ZKSCAN5: variants seen among roughly 807,000 people sequenced by gnomAD.
ZKSCAN5 encodes zinc finger protein with KRAB and SCAN domains 5.
Under a neutral mutation model 60.0 loss-of-function variants are expected in ZKSCAN5, and 28 were observed. The ratio of observed to expected loss-of-function variants is 0.47; its 90% CI spans 0.35 to 0.64. The LOEUF is 0.64. Among genes scored for constraint, ZKSCAN5 ranks in the 30% least tolerant of loss-of-function variants. The pLI is 0.01. For missense variants in ZKSCAN5, 881 were observed against 1,034.6 expected, an observed-to-expected ratio of 0.85 and a Z score of 2.04; for synonymous variants, 361 against 371.2, an observed-to-expected ratio of 0.97 and a Z score of 0.31.
chr7:99,526,159 G>T lies in ZKSCAN5; in HGVS notation c.1119G>T (p.Pro373=). ...GGCGCATCCACACTGGAGAAAAACC[G>T]TTTAAGTGCGGAGAATGTGGGAAGA... is the stretch of plus-strand genomic sequence containing the variant. ...QHRRIHTGEK[P]FKCGECGKSY... Residue 373 remains proline, a synonymous_variant, in exon 6 of 7, where the codon CCG becomes CCT. Transcript: ENST00000326775. 2 of 1,614,206 alleles carry T rather than the reference G, an allele frequency of 1.2e-6. No individual in the cohort carries two copies. Among genetic ancestry groups the T allele is most frequent in the Non-Finnish European group, 1.7e-6 (2 of 1,180,050 alleles).
intron 5 of ZKSCAN5, among the ~76,000 whole-genome samples, chr7:99,524,103 C>T (rs1801668191): frequency 6.7e-6 from 1 of 149,164 alleles, no homozygotes; most frequent in Non-Finnish European, 1.5e-5. Flanking sequence ...CAGAGTCTCG[C>T]TCTGTCACCC....
At chr7:99,524,260 G>T (rs1194669169) in intron 5 of ZKSCAN5, among the ~76,000 whole-genome samples, 1 of 152,036 alleles carries the variant, frequency 6.6e-6, no homozygotes, top group African/African-American at 2.4e-5. Context: ...TTTTAGTAGA[G>T]ACAGGTTTTC....
rs935837524 is a variant in ZKSCAN5 at position 99,507,517 on chromosome 7, A to G, written c.414+1059A>G. 8.0e-5 allele frequency among the ~76,000 whole-genome samples: 10 copies of G among 125,510 alleles called. No individual in the cohort carries two copies. In the South Asian group the frequency reaches 1.4e-3, roughly 17 times the overall value. The allele number at this position is 125,510 out of a possible 152,430, so 82.3% of individuals were successfully genotyped here. A position where few individuals can be genotyped will look rare whatever the true frequency, so the allele number is the denominator to read the frequency against. On this transcript the variant is annotated intron_variant, in intron 2 of 6. Transcript: ENST00000326775. ...TATATATGTGTATATATATGTGTGT[A>G]TATATGTATATGTGTATATATATAT...
chr7:99,515,356 G>A lies in ZKSCAN5; in HGVS notation c.553+2765G>A, dbSNP rs1440458367. Among the ~76,000 whole-genome samples the A allele has an allele frequency of 4.6e-5, 7 of 151,824 alleles. No homozygotes were observed. In the East Asian group the frequency reaches 5.8e-4, roughly 13 times the overall value. On this transcript the variant is annotated intron_variant, in intron 3 of 6. Coordinates refer to ENST00000326775, the MANE Select transcript of ZKSCAN5 (RefSeq NM_145102.4). ...CGGGAGGCAGAGGTTGCTGTGAACCGAGATTGTGCCACGGCACTCCAGCCT... is the reference window on the plus strand; with the variant it reads ...CGGGAGGCAGAGGTTGCTGTGAACCAAGATTGTGCCACGGCACTCCAGCCT...
At chr7:99,509,754 C>A (rs1015810794) in intron 2 of ZKSCAN5, among the ~76,000 whole-genome samples, 2 of 152,222 alleles carry the variant, frequency 1.3e-5, no homozygotes, top group Admixed American at 1.3e-4. Context: ...GTGTAAGCCA[C>A]TGTGCCCGGC....
chr7:99,531,663 G>A lies in ZKSCAN5; in HGVS notation c.1934G>A (p.Arg645His), dbSNP rs774498638. Residue 645 changes from arginine (R) to histidine (H), a missense_variant, in exon 7 of 7, where the codon CGT (arginine) becomes CAT (histidine). By Grantham distance (29) the Arg-to-His change is conservative (BLOSUM62 0). Transcript: ENST00000326775. ...GAATGTGGGAAAGGCTTTGGGAGGC[G>A]TTCCCACCTGGCTGGACATCTTCGA... ...CNECGKGFGR[R>H]SHLAGHLRLH... The A allele has an allele frequency of 1.7e-5, 28 of 1,614,048 alleles. No individual in the cohort carries two copies. The highest frequency in any genetic ancestry group is 6.7e-5 in the Admixed American group (4 of 59,982).
intron 5 of ZKSCAN5, among the ~76,000 whole-genome samples, chr7:99,524,101 C>T (rs1211511702): frequency 2.0e-5 from 3 of 147,194 alleles, no homozygotes; most frequent in Non-Finnish European, 4.5e-5. Context: ...GACAGAGTCT[C>T]GCTCTGTCAC....
At chr7:99,524,550 T>C (rs1163756854) in intron 5 of ZKSCAN5, among the ~76,000 whole-genome samples, 4 of 152,174 alleles carry the variant, frequency 2.6e-5, no homozygotes, top group African/African-American at 9.7e-5. Context: ...GATTTGTCTC[T>C]GCAAACCATA....
At chr7:99,512,663 C>G (rs150097705) in intron 3 of ZKSCAN5, 72 bp downstream of exon 3, 1 of 1,542,308 alleles carries the variant, frequency 6.5e-7, no homozygotes, top group African/African-American at 1.4e-5. Context: ...CAGGCACTAT[C>G]TGCGGGAGAG....
At position 99,520,638 on chromosome 7, in the gene ZKSCAN5, A is replaced by C. The variant is rs538208936; in HGVS notation, c.772+334A>C. On this transcript the variant is annotated intron_variant, in intron 5 of 6. Transcript: ENST00000326775. ...GTGATCCTAGCACTTTGGGAGGCCG[A>C]GGTGGGAGAATCACTTGAGTCCTTT... Among the ~76,000 whole-genome samples, 9 of 152,266 alleles carry C rather than the reference A, an allele frequency of 5.9e-5. No individual in the cohort carries two copies. In the East Asian group the frequency reaches 1.7e-3, roughly 29 times the overall value.
At chr7:99,523,752 T>G (rs1801650623) in intron 5 of ZKSCAN5, among the ~76,000 whole-genome samples, 1 of 151,986 alleles carries the variant, frequency 6.6e-6, no homozygotes, top group Admixed American at 6.6e-5. Context: ...TGTGATAGGG[T>G]TTTTTGTTTA....
intron 6 of ZKSCAN5, among the ~76,000 whole-genome samples, chr7:99,528,107 CA>C (rs1198329212): frequency 6.6e-6 from 1 of 150,742 alleles, no homozygotes; most frequent in Non-Finnish European, 1.5e-5. Context: ...TAAGACCAGC[CA>C]AAATGTTTTT....
At chr7:99,509,468 A>ACT (rs1800919295) in intron 2 of ZKSCAN5, among the ~76,000 whole-genome samples, 1 of 140,816 alleles carries the variant, frequency 7.1e-6, no homozygotes, top group Non-Finnish European at 1.5e-5. Context: ...TGACCACAGC[A>ACT]CTTTTTTTTT....
intron 1 of ZKSCAN5, chr7:99,505,306 T>A (rs557454431): frequency 6.6e-6 from 1 of 152,186 alleles, no homozygotes; most frequent in Non-Finnish European, 1.5e-5. Flanking sequence ...CTTCGGTTTC[T>A]CTCCGTGGGA....
rs1412920037 is a variant in ZKSCAN5 at position 99,509,678 on chromosome 7, G to C, written c.415-2775G>C. Among the ~76,000 whole-genome samples the C allele has an allele frequency of 2.0e-5, 3 of 151,152 alleles. No homozygotes were observed. The South Asian group carries it at 6.3e-4, about 32-fold the overall frequency. On this transcript the variant is annotated intron_variant, in intron 2 of 6. Transcript: ENST00000326775. ...AGTCGGGGTTTCACCGTGTTAGCCA[G>C]GATGGTCTCGATATCCTGACTTCGT... is the stretch of plus-strand genomic sequence containing the variant.
Position 99,531,703 on chromosome 7 carries a change from G to A in ZKSCAN5, c.1974G>A (p.Glu658=). Reference sequence around the variant, plus strand: ...GACATCTTCGACTCCACTCCCGAGAGAAATCCCATCAGTGTCGTGAATGTG... The same window carrying A: ...GACATCTTCGACTCCACTCCCGAGAAAAATCCCATCAGTGTCGTGAATGTG... ...LAGHLRLHSR[E]KSHQCRECGE... The change falls in exon 7 of 7, where the codon GAG becomes GAA. Residue 658 remains glutamate (E), a synonymous_variant. Transcript: ENST00000326775. The A allele has an allele frequency of 6.2e-7, 1 of 1,614,224 alleles. No individual in the cohort carries two copies. Among genetic ancestry groups the A allele is most frequent in the Non-Finnish European group, 8.5e-7 (1 of 1,180,044 alleles).
chr7:99,520,632 A>C (rs1801494413), intron 5 of ZKSCAN5, among the ~76,000 whole-genome samples: 1 of 152,092 alleles, frequency 6.6e-6, no homozygotes. Flanking sequence ...GCACTTTGGG[A>C]GGCCGAGGTG....
At chr7:99,514,066 C>T (rs1387770467) in intron 3 of ZKSCAN5, among the ~76,000 whole-genome samples, 1 of 152,068 alleles carries the variant, frequency 6.6e-6, no homozygotes, top group Non-Finnish European at 1.5e-5. Flanking sequence ...AGAATACTGT[C>T]ACACAATGCT....
At chr7:99,519,940 G>C in intron 4 of ZKSCAN5, 31 bp downstream of exon 4, 1 of 1,609,480 alleles carries the variant, frequency 6.2e-7, no homozygotes. Flanking sequence ...CCTCAGAGAG[G>C]ACCCATCCTG....
Sources: gnomAD v4.1 joint callset for allele counts (sites outside exome capture counted in the v4.1 genomes callset) on GRCh38, gnomAD v4.1.1 for gene constraint, MANE v1.5 for transcripts, NCBI Gene and HGNC (gene_info 2026-07-23, HGNC 2026-07-21) for gene names.